ZC3H13: variants seen among roughly 807,000 people sequenced by gnomAD.
The protein encoded by ZC3H13 is zinc finger CCCH-type containing 13.
Under a neutral mutation model 204.1 loss-of-function variants are expected in ZC3H13, and 64 were observed. The ratio of observed to expected loss-of-function variants is 0.31; its 90% CI spans 0.26 to 0.39. ZC3H13 has a LOEUF of 0.39. Among genes scored for constraint, ZC3H13 ranks in the 10% least tolerant of loss-of-function variants. ZC3H13 has a pLI of 1.00. For missense variants in ZC3H13, 1,833 were observed against 2,082.7 expected (o/e 0.88, Z 2.33); for synonymous variants, 667 against 693.7 (o/e 0.96, Z 0.60).
intron 5 of ZC3H13, among the ~76,000 whole-genome samples, chr13:46,015,281 TC>T (rs1476655761): frequency 1.3e-5 from 2 of 152,168 alleles, no homozygotes; most frequent in African/African-American, 4.8e-5. Flanking sequence ...GTTCTATTTC[TC>T]CTGTGAGTTA....
At chr13:46,047,185 G>C (rs1225501489) in intron 1 of ZC3H13, among the ~76,000 whole-genome samples, 2 of 152,028 alleles carry the variant, frequency 1.3e-5, no homozygotes, top group Non-Finnish European at 2.9e-5. Flanking sequence ...AGAATCCAAA[G>C]ACTAAGAACA....
Position 45,959,645 on chromosome 13 carries a change from ATCTTTC to A in ZC3H13, c.4676-5_4676del. The A allele has an allele frequency of 6.6e-7, 1 of 1,514,308 alleles. No homozygotes were observed. The highest frequency in any genetic ancestry group is 1.4e-5 in the African/African-American group (1 of 70,786). The allele number at this position is 1,514,308 out of a possible 1,614,324, so 93.8% of individuals were successfully genotyped here. A position where few individuals can be genotyped will look rare whatever the true frequency, so the allele number is the denominator to read the frequency against. The stretch of plus-strand genomic sequence containing the variant: ...ATTCATGTTCAAAGAGATTGTCTGC[ATCTTTC>A]AAAAAAAAGTAAACATGCATTAAGT... On this transcript the variant is annotated splice_acceptor_variant and splice_polypyrimidine_tract_variant and coding_sequence_variant and intron_variant, in exon 18 of 19. Coordinates refer to ENST00000679008, the MANE Select transcript of ZC3H13 (RefSeq NM_001330564.2). LOFTEE classifies it high-confidence loss of function.
At chr13:46,048,214 C>T (rs2044115459) in intron 1 of ZC3H13, among the ~76,000 whole-genome samples, 2 of 152,336 alleles carry the variant, frequency 1.3e-5, no homozygotes, top group African/African-American at 4.8e-5. Flanking sequence ...ATTCGCACTA[C>T]TCTCCTCCCT....
At chr13:46,024,083 G>T (rs2042384982) in intron 4 of ZC3H13, among the ~76,000 whole-genome samples, 1 of 152,186 alleles carries the variant, frequency 6.6e-6, no homozygotes, top group African/African-American at 2.4e-5. Flanking sequence ...GCCCAGCCAT[G>T]AAAGTGGGAT....
intron 1 of ZC3H13, among the ~76,000 whole-genome samples, chr13:46,046,660 T>A (rs890028364): frequency 3.0e-5 from 3 of 101,688 alleles, no homozygotes; most frequent in African/African-American, 1.3e-4. Flanking sequence ...AAAGCGAGAC[T>A]CCATCTCAAA....
intron 8 of ZC3H13, among the ~76,000 whole-genome samples, chr13:45,995,923 T>C (rs17429573): frequency 0.25 from 38,252 of 152,212 alleles, 5,193 homozygotes; most frequent in South Asian, 0.32. Flanking sequence ...GTTGGAATGA[T>C]TGTGTTTTTA....
rs577707886 is a variant in ZC3H13, at chr13:46,050,650, T to A, written c.-10+1754A>T. ...AATTAACTTTATTTGATGCATAGTT[T>A]GAGAGAATTTTTTAAAAAGAACTTT... On this transcript the variant is annotated intron_variant, in intron 1 of 18. Coordinates refer to ENST00000679008, the MANE Select transcript of ZC3H13 (RefSeq NM_001330564.2). Among the ~76,000 whole-genome samples the A allele has an allele frequency of 1.5e-3, 226 of 152,276 alleles. 3 individuals are homozygous for A. The highest frequency in any genetic ancestry group is 1.7e-3 in the Non-Finnish European group (113 of 67,986).
At chr13:45,973,021 C>T (rs886072239) in intron 12 of ZC3H13, among the ~76,000 whole-genome samples, 3 of 152,202 alleles carry the variant, frequency 2.0e-5, no homozygotes, top group Non-Finnish European at 2.9e-5. Context: ...ACAGGAGTTA[C>T]TCCAAGTGAG....
At chr13:45,999,194 G>C (rs937698557) in intron 8 of ZC3H13, among the ~76,000 whole-genome samples, 24 of 152,196 alleles carry the variant, frequency 1.6e-4, no homozygotes, top group Non-Finnish European at 4.4e-5. Context: ...ACAATGAGCT[G>C]AGATGGCGCC....
chr13:45,972,862 G>A (rs188315630), intron 12 of ZC3H13, among the ~76,000 whole-genome samples: 1 of 152,336 alleles, frequency 6.6e-6, no homozygotes. Context: ...CCCTCTTGTT[G>A]TTTCTACCAT....
In ZC3H13 at chr13:46,003,295, G is replaced by A. The variant is rs1429000676; in HGVS notation, c.788C>T (p.Thr263Ile). The change falls in exon 8 of 19, where the codon ACT (threonine) becomes ATT (isoleucine). Residue 263 changes from threonine (T) to isoleucine (I), a missense_variant. Thr to Ile is a moderately conservative substitution (Grantham distance 89). Transcript: ENST00000679008. ...TNQSKKKGPR[T>I]PSPPPPIPED... ...TGGTATAGGAGGGGGTGGACTAGGA[G>A]TACGTGGTCCTTTCTTTTTACTTTG... 2.5e-6 allele frequency: 4 copies of A among 1,610,962 alleles called. No individual in the cohort carries two copies. Among genetic ancestry groups the A allele is most frequent in the Non-Finnish European group, 3.4e-6 (4 of 1,179,290 alleles).
intron 8 of ZC3H13, among the ~76,000 whole-genome samples, chr13:46,002,293 TG>T (rs928327388): frequency 2.0e-5 from 3 of 152,154 alleles, no homozygotes; most frequent in African/African-American, 7.2e-5. Context: ...ATGGAGAAAC[TG>T]GAACACTTGT....
At position 46,046,667 on chromosome 13, in the gene ZC3H13, C is replaced by CAA. The variant is rs145600332; in HGVS notation, c.-9-1153_-9-1152dup. Among the ~76,000 whole-genome samples, 1,292 of 150,240 alleles carry CAA rather than the reference C, an allele frequency of 8.6e-3. 19 individuals carry two copies. Among genetic ancestry groups the CAA allele is most frequent in the African/African-American group, 0.029 (1,206 of 40,884 alleles). ...TGGGCGACAAAGCGAGACTCCATCT[C>CAA]AAAAAAAACAAAAAAACTCTCTCTA... On this transcript the variant is annotated intron_variant, in intron 1 of 18. Transcript: ENST00000679008.
Position 46,029,529 on chromosome 13 carries a change from C to T in ZC3H13, c.340-8972G>A, listed in dbSNP as rs998230321. 4.7e-5 allele frequency among the ~76,000 whole-genome samples: 7 copies of T among 150,306 alleles called. No individual in the cohort carries two copies. In the East Asian group the frequency reaches 5.9e-4, roughly 13 times the overall value. ...CTGCAAGCTCCGCCTCCCGGGTTCA[C>T]GCCATTCTCCTGCCTCAGCCTCCCG... is the stretch of plus-strand genomic sequence containing the variant. On this transcript the variant is annotated intron_variant, in intron 4 of 18. Coordinates refer to ENST00000679008, the MANE Select transcript of ZC3H13 (RefSeq NM_001330564.2).
Position 45,985,598 on chromosome 13 carries a change from G to A in ZC3H13, c.1419C>T (p.Ser473=), listed in dbSNP as rs778825527. The part of the protein sequence containing the change: ...DTRDRRELRD[S]RDMRDSREMR... ...TCTCCCTTGAGTCCCGCATGTCTCTGGAGTCTCTTAGTTCCCTTCGGTCCC... is the reference window on the plus strand; with the variant it reads ...TCTCCCTTGAGTCCCGCATGTCTCTAGAGTCTCTTAGTTCCCTTCGGTCCC... Residue 473 remains serine (S), a synonymous_variant, in exon 10 of 19, where the codon TCC becomes TCT. Coordinates refer to ENST00000679008, the MANE Select transcript of ZC3H13 (RefSeq NM_001330564.2). 1.9e-6 allele frequency: 3 copies of A among 1,613,760 alleles called. No individual in the cohort carries two copies. The highest frequency in any genetic ancestry group is 2.2e-5 in the South Asian group (2 of 91,046).
chr13:46,036,354 T>C (rs2043209243), intron 4 of ZC3H13, among the ~76,000 whole-genome samples: 1 of 152,192 alleles, frequency 6.6e-6, no homozygotes, highest in Non-Finnish European at 1.5e-5. Flanking sequence ...CAACTTGAGA[T>C]CCACCTATAG....
Position 45,985,677 on chromosome 13 carries a change from C to T in ZC3H13, c.1340G>A (p.Arg447Lys), listed in dbSNP as rs1367120192. ...ACCATCTCGAGGTTCTCTGTCATCTCTGTGGTCTCTAGAAGAGCTCTGATC... is the reference window on the plus strand; with the variant it reads ...ACCATCTCGAGGTTCTCTGTCATCTTTGTGGTCTCTAGAAGAGCTCTGATC... ...EQDQSSSRDHRDDREPRDGRD... is the reference protein window; with the variant it reads ...EQDQSSSRDHKDDREPRDGRD... Residue 447 changes from arginine to lysine, a missense_variant, in exon 10 of 19, where the codon AGA becomes AAA. Physicochemically the swap from Arg to Lys is conservative, Grantham distance 26. Transcript: ENST00000679008. 2.5e-6 allele frequency: 4 copies of T among 1,613,970 alleles called. No homozygotes were observed. The highest frequency in any genetic ancestry group is 3.4e-6 in the Non-Finnish European group (4 of 1,180,034).
At chr13:46,021,447 G>A (rs2042212230) in intron 4 of ZC3H13, among the ~76,000 whole-genome samples, 1 of 151,912 alleles carries the variant, frequency 6.6e-6, no homozygotes, top group Admixed American at 6.6e-5. Flanking sequence ...TAAATACTAT[G>A]AAAGACACTT....
At chr13:46,035,926 T>C (rs2043180846) in intron 4 of ZC3H13, among the ~76,000 whole-genome samples, 1 of 152,200 alleles carries the variant, frequency 6.6e-6, no homozygotes, top group African/African-American at 2.4e-5. Flanking sequence ...GTATTATCCC[T>C]TCCTCTAGAG....
Sources: gnomAD v4.1 joint callset for allele counts (sites outside exome capture counted in the v4.1 genomes callset) on GRCh38, gnomAD v4.1.1 for gene constraint, MANE v1.5 for transcripts, NCBI Gene and HGNC (gene_info 2026-07-23, HGNC 2026-07-21) for gene names.